Variants in ZNF385D observed in about 807,000 individuals in gnomAD.
The protein encoded by ZNF385D is zinc finger protein 385D, also known as zinc finger protein 659.
A neutral mutation model predicts 35.8 loss-of-function variants in ZNF385D; 15 were observed. The observed-to-expected ratio is 0.42, with a 90% CI of 0.28 to 0.64. The LOEUF (loss-of-function observed/expected upper bound fraction) is 0.64. Ranked by LOEUF, ZNF385D falls within the 30% of genes least tolerant of loss-of-function variation. ZNF385D has a pLI of 0.23. For synonymous variants in ZNF385D, 212 were observed against 186.8 expected (o/e 1.13, Z -1.10); for missense variants, 474 against 494.6 (o/e 0.96, Z 0.39).
intron 1 of ZNF385D, among the ~76,000 whole-genome samples, chr3:21,728,856 T>C (rs2068875798): frequency 6.6e-6 from 1 of 152,210 alleles, no homozygotes; most frequent in African/African-American, 2.4e-5. Context: ...ATACTTCATG[T>C]ATTGATTATA....
At chr3:22,346,774 T>A (rs1315588228) in intron 2 of ZNF385D, among the ~76,000 whole-genome samples, 1 of 152,184 alleles carries the variant, frequency 6.6e-6, no homozygotes, top group Non-Finnish European at 1.5e-5. Context: ...ATACTAATCA[T>A]GAAAATACAG....
Position 21,737,004 on chromosome 3 carries a change from A to C in ZNF385D, c.22+13891T>G, listed in dbSNP as rs1469901560. Among the ~76,000 whole-genome samples, 19 of 152,158 alleles carry C rather than the reference A, an allele frequency of 1.2e-4. 1 individual carries two copies. Reference sequence around the variant, plus strand: ...GCCCAGGCTGGAGTACAGTGGCACAATCTCGGCTCACTGCAACCTCTGCCT... The same window carrying C: ...GCCCAGGCTGGAGTACAGTGGCACACTCTCGGCTCACTGCAACCTCTGCCT... On this transcript the variant is annotated intron_variant, in intron 1 of 7. Transcript: ENST00000281523.
intron 2 of ZNF385D, among the ~76,000 whole-genome samples, chr3:22,335,291 T>C (rs759778080): frequency 2.6e-5 from 4 of 152,146 alleles, no homozygotes; most frequent in Non-Finnish European, 5.9e-5. Context: ...AATAAGATCA[T>C]TCTGTAATGT....
chr3:22,364,680 G>A (rs918615221), intron 2 of ZNF385D, among the ~76,000 whole-genome samples: 2 of 152,132 alleles, frequency 1.3e-5, no homozygotes, highest in Non-Finnish European at 2.9e-5. Flanking sequence ...TGTGGAAACA[G>A]TATGGCAGTT....
chr3:22,199,584 G>C (rs948113268), intron 2 of ZNF385D, among the ~76,000 whole-genome samples: 1 of 152,106 alleles, frequency 6.6e-6, no homozygotes, highest in African/African-American at 2.4e-5. Context: ...GAAAAAGGAA[G>C]AGAAGTGGCA....
At chr3:21,519,377 C>A (rs777994547) in intron 3 of ZNF385D, among the ~76,000 whole-genome samples, 2 of 152,150 alleles carry the variant, frequency 1.3e-5, no homozygotes, top group African/African-American at 2.4e-5. Flanking sequence ...ATAAACTTCA[C>A]CATTCCTTAA....
At chr3:21,441,832 G>C in intron 4 of ZNF385D, 1 of 587,608 alleles carries the variant, frequency 1.7e-6, no homozygotes, top group Non-Finnish European at 2.1e-6. Context: ...CTCTACCAAA[G>C]ACTCTGGGAC....
chr3:21,449,721 T>C (rs1702350505), intron 4 of ZNF385D, among the ~76,000 whole-genome samples: 1 of 152,188 alleles, frequency 6.6e-6, no homozygotes, highest in Admixed American at 6.6e-5. Flanking sequence ...AAGTAGGTTA[T>C]TTTGAAAATG....
chr3:21,896,094 C>T (rs945022853), intron 3 of ZNF385D, among the ~76,000 whole-genome samples: 2 of 152,046 alleles, frequency 1.3e-5, no homozygotes, highest in Non-Finnish European at 2.9e-5. Context: ...TAATGAGGCT[C>T]CTGATATATC....
chr3:22,205,232 GAA>G (rs575156559), intron 2 of ZNF385D, among the ~76,000 whole-genome samples: 208 of 151,508 alleles, frequency 1.4e-3, no homozygotes, highest in African/African-American at 4.9e-3. Flanking sequence ...AATGCCGAAG[GAA>G]AAAATATTTT....
intron 3 of ZNF385D, among the ~76,000 whole-genome samples, chr3:21,878,449 A>G (rs868400623): frequency 8.5e-5 from 13 of 152,078 alleles, no homozygotes; most frequent in African/African-American, 2.9e-4. Flanking sequence ...AAGAAAAATT[A>G]GTATTGTTTT....
intron 3 of ZNF385D, among the ~76,000 whole-genome samples, chr3:22,059,685 T>A (rs1241977760): frequency 6.6e-6 from 1 of 152,172 alleles, no homozygotes; most frequent in Admixed American, 6.6e-5. Flanking sequence ...GAAGACCCCA[T>A]ATAAGTTTCA....
rs192867993 is a variant in ZNF385D at position 22,087,153 on chromosome 3, A to C, written c.325+81664T>G. ...GTAATTATGAGATCTTTTTTGAAAC[A>C]GCATTATTTGATGTCACAAATTACT... On this transcript the variant is annotated intron_variant, in intron 3 of 5. Transcript: ENST00000494108. 2.0e-5 allele frequency among the ~76,000 whole-genome samples: 3 copies of C among 152,310 alleles called. No individual in the cohort carries two copies. The East Asian group carries it at 5.8e-4, about 29-fold the overall frequency.
At chr3:22,176,593 T>C (rs539163654) in intron 2 of ZNF385D, among the ~76,000 whole-genome samples, 5 of 152,176 alleles carry the variant, frequency 3.3e-5, no homozygotes, top group African/African-American at 4.8e-5. Flanking sequence ...AACTGAATAT[T>C]TGCAGACTCA....
At chr3:21,755,560 A>G (rs2070303009), upstream of ZNF385D, among the ~76,000 whole-genome samples, 1 of 152,202 alleles carries the variant, frequency 6.6e-6, no homozygotes, top group Non-Finnish European at 1.5e-5. Flanking sequence ...GTCTTCTGAG[A>G]ACATTTTTCT....
At chr3:21,973,453 G>T (rs780760133) in intron 3 of ZNF385D, among the ~76,000 whole-genome samples, 1 of 151,888 alleles carries the variant, frequency 6.6e-6, no homozygotes, top group Non-Finnish European at 1.5e-5. Context: ...CAGACTCACC[G>T]CTAGTATCAT....
intron 2 of ZNF385D, among the ~76,000 whole-genome samples, chr3:21,581,925 C>G (rs1330185710): frequency 1.3e-5 from 2 of 152,090 alleles, no homozygotes; most frequent in Non-Finnish European, 2.9e-5. Context: ...ATGCATTGCT[C>G]AAAACATTAG....
At chr3:22,356,882 A>G (rs1019795617) in intron 2 of ZNF385D, among the ~76,000 whole-genome samples, 1 of 151,920 alleles carries the variant, frequency 6.6e-6, no homozygotes, top group African/African-American at 2.4e-5. Context: ...TATATGAAGA[A>G]TGGGAGGTTT....
intron 2 of ZNF385D, among the ~76,000 whole-genome samples, chr3:22,201,257 G>C (rs141546720): frequency 6.6e-6 from 1 of 152,042 alleles, no homozygotes; most frequent in Admixed American, 6.6e-5. Flanking sequence ...GGCTTCAGCC[G>C]GTCCCTTCAT....
Sources: allele counts gnomAD v4.1 joint callset (sites outside exome capture counted in the v4.1 genomes callset), GRCh38; gene constraint gnomAD v4.1.1; transcripts MANE v1.5; gene names NCBI Gene and HGNC (gene_info 2026-07-23, HGNC 2026-07-21).